Variants in ABL1 observed in about 807,000 individuals in gnomAD.
ABL1 encodes tyrosine-protein kinase ABL1.
A neutral mutation model predicts 94.7 loss-of-function variants in ABL1; 11 were observed. The observed-to-expected ratio is 0.12, with a 90% confidence interval of 0.07 to 0.19. The LOEUF (loss-of-function observed/expected upper bound fraction) is 0.19. Among genes scored for constraint, ABL1 ranks in the 10% least tolerant of loss-of-function variants. ABL1 has a pLI of 1.00. For synonymous variants in ABL1, 656 were observed against 622.4 expected, an observed-to-expected ratio of 1.05 and a Z score of -0.80; for missense variants, 1,082 against 1,489.4, an observed-to-expected ratio of 0.73 and a Z score of 4.50.
chr9:130,796,344 G>A lies in ABL1; in HGVS notation c.137-57720G>A, dbSNP rs552465043. Reference sequence around the variant, plus strand: ...TCAAGACCAGCTTGGGCAACATAGCGAAACCTCATCTCTACAAAAAGCTGG... The same window carrying A: ...TCAAGACCAGCTTGGGCAACATAGCAAAACCTCATCTCTACAAAAAGCTGG... On this transcript the variant is annotated intron_variant, in intron 1 of 10. Coordinates refer to the ABL1 transcript ENST00000372348. Among the ~76,000 whole-genome samples, 93 of 152,156 alleles carry A rather than the reference G, an allele frequency of 6.1e-4. 2 individuals carry two copies. The highest frequency in any genetic ancestry group is 2.1e-3 in the African/African-American group (87 of 41,522).
At chr9:130,735,961 A>ATATATATATTTTTTTTTTT (rs573602038) in intron 1 of ABL1, among the ~76,000 whole-genome samples, 2 of 94,850 alleles carry the variant, frequency 2.1e-5, no homozygotes, top group African/African-American at 1.3e-4. Context: ...ATATATATAT[A>ATATATATATTTTTTTTTTT]TTTTTTTTTT....
intron 1 of ABL1, among the ~76,000 whole-genome samples, chr9:130,774,959 TTGAG>T (rs1403501891): frequency 1.3e-5 from 2 of 152,112 alleles, no homozygotes; most frequent in Admixed American, 6.5e-5. Context: ...GGTCTGCACT[TTGAG>T]TGAGAGGAAA....
intron 3 of ABL1, among the ~76,000 whole-genome samples, chr9:130,861,212 T>TGAAA (rs967101234): frequency 1.3e-5 from 2 of 152,096 alleles, no homozygotes; most frequent in African/African-American, 4.8e-5. Flanking sequence ...TTCCCCAGAG[T>TGAAA]GAAGCAATCT....
chr9:130,814,057 C>T lies in ABL1; in HGVS notation c.137-40007C>T, dbSNP rs1404347017. On this transcript the variant is annotated intron_variant, in intron 1 of 10. Coordinates refer to the ABL1 transcript ENST00000372348. The surrounding 1 kb of genome is among the most constrained non-coding windows in gnomAD (Gnocchi z 4.4). ...ATCCCAGCACTTTGGGAGGCTGAGG[C>T]GGGCAGATCACAAGGTCAGGAGATT... is the stretch of plus-strand genomic sequence containing the variant. 6.6e-6 allele frequency among the ~76,000 whole-genome samples: 1 copy of T among 151,984 alleles called. No individual in the cohort carries two copies. Among genetic ancestry groups the T allele is most frequent in the African/African-American group, 2.4e-5 (1 of 41,376 alleles).
intron 4 of ABL1, among the ~76,000 whole-genome samples, chr9:130,869,638 T>C (rs1486677092): frequency 6.6e-6 from 1 of 152,228 alleles, no homozygotes; most frequent in Non-Finnish European, 1.5e-5. Flanking sequence ...TGAAAATTCA[T>C]AGCTTTCACT....
chr9:130,851,766 CTTT>C lies in ABL1; in HGVS notation c.80-2282_80-2280del, dbSNP rs149948786. Among the ~76,000 whole-genome samples, 11 of 122,806 alleles carry C rather than the reference CTTT, an allele frequency of 9.0e-5. 1 individual carries two copies. The highest frequency in any genetic ancestry group is 2.8e-4 in the African/African-American group (9 of 32,014). 80.6% of individuals were successfully genotyped at this position (122,806 alleles called of 152,430 possible). A position where few individuals can be genotyped will look rare whatever the true frequency, so the allele number is the denominator to read the frequency against. ...CAAATTAGAATTTTCCTCTCTTTTT[CTTT>C]TTTTTTTTTTTTTTTGAGATGGAGT... On this transcript the variant is annotated intron_variant, in intron 1 of 10. Coordinates refer to ENST00000318560, the MANE Select transcript of ABL1 (RefSeq NM_005157.6).
At chr9:130,837,730 T>C (rs1830610438) in intron 1 of ABL1, among the ~76,000 whole-genome samples, 1 of 152,212 alleles carries the variant, frequency 6.6e-6, no homozygotes, top group South Asian at 2.1e-4. Context: ...TCAGCGATAG[T>C]CTTTTAAAGA....
chr9:130,727,369 A>C (rs1831600179), intron 1 of ABL1, among the ~76,000 whole-genome samples: 1 of 151,886 alleles, frequency 6.6e-6, no homozygotes, highest in Non-Finnish European at 1.5e-5. Context: ...GCCTGGCGGT[A>C]TCTCTCTTTT....
intron 1 of ABL1, among the ~76,000 whole-genome samples, chr9:130,733,444 T>A (rs987396107): frequency 1.3e-5 from 2 of 152,126 alleles, no homozygotes; most frequent in African/African-American, 4.8e-5. Context: ...AAAAAAATTT[T>A]TTTTTCTTGT....
intron 1 of ABL1, among the ~76,000 whole-genome samples, chr9:130,732,135 C>T (rs1831674183): frequency 1.3e-5 from 2 of 151,792 alleles, no homozygotes; most frequent in Non-Finnish European, 2.9e-5. Context: ...AGACTAGCTA[C>T]TTAGTGAATA....
At chr9:130,864,037 C>T (rs1022227249) in intron 4 of ABL1, among the ~76,000 whole-genome samples, 5 of 152,172 alleles carry the variant, frequency 3.3e-5, no homozygotes, top group Non-Finnish European at 7.4e-5. Flanking sequence ...TGCCTTCACC[C>T]AAAGGCATAG....
At chr9:130,865,252 G>T (rs1831135521) in intron 4 of ABL1, among the ~76,000 whole-genome samples, 1 of 152,170 alleles carries the variant, frequency 6.6e-6, no homozygotes, top group African/African-American at 2.4e-5. Context: ...ATTTCTGTGG[G>T]CAGTCACCCG....
intron 1 of ABL1, among the ~76,000 whole-genome samples, chr9:130,794,565 T>C (rs1320408982): frequency 6.6e-6 from 1 of 152,190 alleles, no homozygotes; most frequent in Non-Finnish European, 1.5e-5. Context: ...ATTCCCTAAT[T>C]GGTTTCCAAA....
At chr9:130,737,086 G>A (rs1168734443) in intron 1 of ABL1, among the ~76,000 whole-genome samples, 2 of 152,128 alleles carry the variant, frequency 1.3e-5, no homozygotes, top group African/African-American at 2.4e-5. Context: ...AGAGGCCTAA[G>A]TATCAGTTTT....
At chr9:130,735,961 A>ATATATATATATATATATATTTTT (rs573602038) in intron 1 of ABL1, among the ~76,000 whole-genome samples, 1 of 94,850 alleles carries the variant, frequency 1.1e-5, no homozygotes, top group African/African-American at 6.4e-5. Flanking sequence ...ATATATATAT[A>ATATATATATATATATATATTTTT]TTTTTTTTTT....
intron 6 of ABL1, 54 bp downstream of exon 6, chr9:130,873,091 G>C (rs960022086): frequency 6.4e-7 from 1 of 1,561,474 alleles, no homozygotes; most frequent in Non-Finnish European, 8.7e-7. Flanking sequence ...GTGGAGCCGG[G>C]CAGCCTTTTA....
intron 1 of ABL1, among the ~76,000 whole-genome samples, chr9:130,829,564 CAAA>C (rs1167581144): frequency 1.3e-4 from 9 of 68,706 alleles, no homozygotes; most frequent in Non-Finnish European, 1.9e-4. Context: ...GACTACGTCT[CAAA>C]AAAAAAAAAA....
intron 1 of ABL1, among the ~76,000 whole-genome samples, chr9:130,842,682 G>A (rs1424665850): frequency 6.6e-6 from 1 of 152,216 alleles, no homozygotes; most frequent in African/African-American, 2.4e-5. Context: ...ATGAAGACAT[G>A]TTAAAAGAAG....
chr9:130,795,928 A>G (rs1360988501), intron 1 of ABL1, among the ~76,000 whole-genome samples: 1 of 152,242 alleles, frequency 6.6e-6, no homozygotes, highest in Non-Finnish European at 1.5e-5. Flanking sequence ...GCGGTGGCTC[A>G]TGCCTCTAAT....
Sources: gnomAD v4.1 joint callset for allele counts (sites outside exome capture counted in the v4.1 genomes callset) on GRCh38, gnomAD v4.1.1 for gene constraint, Gnocchi (gnomAD v3.1) non-coding constraint, MANE v1.5 for transcripts, NCBI Gene and HGNC (gene_info 2026-07-23, HGNC 2026-07-21) for gene names.